The following OPCML variants were observed in gnomAD, a reference collection of about 807,000 sequenced individuals.
The protein encoded by OPCML is opioid-binding protein/cell adhesion molecule.
OPCML carries 13 observed loss-of-function variants against 37.8 expected under a neutral mutation model. The ratio of observed to expected loss-of-function variants is 0.34; its 90% CI spans 0.22 to 0.55. The LOEUF (loss-of-function observed/expected upper bound fraction) is 0.55. OPCML is among the 20% of genes least tolerant of loss of function. The pLI, the probability that OPCML is intolerant of heterozygous loss-of-function variation, is 0.91. For synonymous variants in OPCML, 176 were observed against 168.8 expected (o/e 1.04, Z -0.33); for missense variants, 341 against 435.6 (o/e 0.78, Z 1.93).
chr11:133,164,588 A>G (rs1950184867), intron 1 of OPCML, among the ~76,000 whole-genome samples: 1 of 152,226 alleles, frequency 6.6e-6, no homozygotes, highest in African/African-American at 2.4e-5. Context: ...AATAACGAGG[A>G]CAATTCCTTC....
intron 1 of OPCML, among the ~76,000 whole-genome samples, chr11:133,446,784 A>G (rs935471133): frequency 6.6e-6 from 1 of 152,238 alleles, no homozygotes; most frequent in African/African-American, 2.4e-5. Context: ...ATAAAAATAG[A>G]ATCACACAAC....
At chr11:133,447,226 A>AAGACAGACAATGCC (rs1262952462) in intron 1 of OPCML, among the ~76,000 whole-genome samples, 8 of 152,256 alleles carry the variant, frequency 5.3e-5, no homozygotes, top group African/African-American at 1.9e-4. Context: ...TTTTTCTTCA[A>AAGACAGACAATGCC]TTGAAAAGGC....
chr11:133,529,841 C>T (rs191865062), intron 1 of OPCML, among the ~76,000 whole-genome samples: 9 of 152,170 alleles, frequency 5.9e-5, no homozygotes, highest in African/African-American at 1.9e-4. Context: ...AAGGAGAAGT[C>T]GCAAGTAAGC....
intron 4 of OPCML, among the ~76,000 whole-genome samples, chr11:132,459,954 C>T (rs1226149637): frequency 3.3e-5 from 5 of 152,144 alleles, no homozygotes; most frequent in Admixed American, 3.3e-4. Context: ...AAAAGATCTG[C>T]TAGATACTCA....
chr11:132,815,126 T>C (rs1016670897), intron 2 of OPCML, among the ~76,000 whole-genome samples: 2 of 152,208 alleles, frequency 1.3e-5, no homozygotes, highest in Non-Finnish European at 2.9e-5. Context: ...TTTAATAGTT[T>C]CTTAACTCAT....
chr11:132,508,117 A>G (rs2096261334), intron 4 of OPCML, among the ~76,000 whole-genome samples: 1 of 152,198 alleles, frequency 6.6e-6, no homozygotes, highest in Admixed American at 6.5e-5. Context: ...TGGCAAAGTA[A>G]CCGTTAACCA....
intron 2 of OPCML, among the ~76,000 whole-genome samples, chr11:132,874,148 T>A (rs1184353467): frequency 6.6e-6 from 1 of 152,232 alleles, no homozygotes. Flanking sequence ...ATCAATTATA[T>A]ACTTCTTTTC....
chr11:132,594,487 G>A (rs1330022537), intron 3 of OPCML, among the ~76,000 whole-genome samples: 4 of 152,056 alleles, frequency 2.6e-5, no homozygotes. Context: ...TGAAATGTAT[G>A]CTTTTATAAT....
intron 2 of OPCML, among the ~76,000 whole-genome samples, chr11:132,782,667 C>T (rs1401743693): frequency 6.6e-6 from 1 of 151,826 alleles, no homozygotes; most frequent in East Asian, 1.9e-4. Flanking sequence ...AAACTTTCTC[C>T]TGAGAATTCC....
intron 1 of OPCML, among the ~76,000 whole-genome samples, chr11:133,188,642 T>C (rs1364652727): frequency 6.6e-6 from 1 of 152,176 alleles, no homozygotes; most frequent in Non-Finnish European, 1.5e-5. Flanking sequence ...TATGAAAACA[T>C]TTGTTAAATG....
intron 3 of OPCML, among the ~76,000 whole-genome samples, chr11:132,655,404 C>G (rs1350385880): frequency 6.6e-6 from 1 of 152,212 alleles, no homozygotes; most frequent in Admixed American, 6.5e-5. Context: ...CAGCTCATCT[C>G]CGATGACTGA....
At position 132,530,795 on chromosome 11, in the gene OPCML, G is replaced by A. The variant is rs535968459; in HGVS notation, c.380-1609C>T. On this transcript the variant is annotated intron_variant, in intron 3 of 7. Coordinates refer to ENST00000524381, the MANE Select transcript of OPCML (RefSeq NM_001012393.5). ...CCTGTTTCCTCTAACACAGTACATG[G>A]CACACACTGGCCCCTTGTCCTCTCC... 7.9e-5 allele frequency among the ~76,000 whole-genome samples: 12 copies of A among 152,182 alleles called. No homozygotes were observed. In the South Asian group the frequency reaches 2.1e-3, roughly 26 times the overall value.
intron 4 of OPCML, among the ~76,000 whole-genome samples, chr11:132,479,780 G>A (rs1015884233): frequency 2.6e-5 from 4 of 152,164 alleles, no homozygotes; most frequent in East Asian, 1.9e-4. Flanking sequence ...CACCTCACAG[G>A]GCCGGGTACT....
chr11:133,190,922 G>T (rs1453402955), intron 1 of OPCML, among the ~76,000 whole-genome samples: 2 of 151,012 alleles, frequency 1.3e-5, no homozygotes, highest in Non-Finnish European at 3.0e-5. Context: ...TTCTTTTTTG[G>T]ACTATTTTGA....
At chr11:132,965,850 T>A (rs946772325) in intron 1 of OPCML, among the ~76,000 whole-genome samples, 2 of 152,152 alleles carry the variant, frequency 1.3e-5, no homozygotes, top group African/African-American at 4.8e-5. Context: ...CTGTTGATAG[T>A]GTTTTATTAT....
intron 1 of OPCML, among the ~76,000 whole-genome samples, chr11:133,077,180 A>G (rs1948633973): frequency 6.6e-6 from 1 of 151,868 alleles, no homozygotes; most frequent in Non-Finnish European, 1.5e-5. Flanking sequence ...TTAGAACTCA[A>G]CCCTGCCTGG....
At position 133,212,802 on chromosome 11, in the gene OPCML, C is replaced by G. The variant is rs1240892995; in HGVS notation, c.62-269792G>C. The stretch of plus-strand genomic sequence containing the variant: ...ACCCCTTGGGACCCAACCTGGCCCC[C>G]TAGCTGTTGAGAGGTAAGAGTGAAC... On this transcript the variant is annotated intron_variant, in intron 1 of 7. Transcript: ENST00000524381. This position sits in a 1 kb window ranked among gnomAD's most constrained non-coding sequence, Gnocchi z 4.9. 6.6e-6 allele frequency among the ~76,000 whole-genome samples: 1 copy of G among 152,196 alleles called. No individual in the cohort carries two copies. Among genetic ancestry groups the G allele is most frequent in the African/African-American group, 2.4e-5 (1 of 41,444 alleles).
intron 1 of OPCML, among the ~76,000 whole-genome samples, chr11:133,267,166 C>T (rs1324507913): frequency 6.6e-6 from 1 of 151,802 alleles, no homozygotes; most frequent in Non-Finnish European, 1.5e-5. Context: ...TTAAAATGAC[C>T]TTGGCTCCAA....
intron 2 of OPCML, among the ~76,000 whole-genome samples, chr11:132,692,307 C>T (rs1435732961): frequency 1.3e-5 from 2 of 151,968 alleles, no homozygotes; most frequent in Non-Finnish European, 2.9e-5. Context: ...AAATTCACTC[C>T]ATATAAAATG....
Sources: gnomAD v4.1 joint callset for allele counts (sites outside exome capture counted in the v4.1 genomes callset) on GRCh38, gnomAD v4.1.1 for gene constraint, Gnocchi (gnomAD v3.1) non-coding constraint, MANE v1.5 for transcripts, NCBI Gene and HGNC (gene_info 2026-07-23, HGNC 2026-07-21) for gene names.